Variants in BCAS3 observed in about 807,000 individuals in gnomAD.
BCAS3 encodes the protein BCAS3 microtubule associated cell migration factor.
Under a neutral mutation model 116.1 loss-of-function variants are expected in BCAS3, and 53 were observed. That is an observed-to-expected ratio of 0.46 (90% CI 0.37 to 0.57). The LOEUF (loss-of-function observed/expected upper bound fraction) is 0.57, where lower values mean the gene tolerates loss of function less well. Ranked by LOEUF, BCAS3 falls within the 20% of genes least tolerant of loss-of-function variation. The probability of loss-of-function intolerance (pLI) is 0.00; values close to 1 mark genes in which losing one functional copy is unlikely to be tolerated. For synonymous variants in BCAS3, 391 were observed against 408.2 expected, an observed-to-expected ratio of 0.96 and a Z score of 0.51; for missense variants, 917 against 1,165.4, an observed-to-expected ratio of 0.79 and a Z score of 3.10.
At chr17:60,715,671 A>G (rs1353646701) in intron 5 of BCAS3, among the ~76,000 whole-genome samples, 1 of 151,072 alleles carries the variant, frequency 6.6e-6, no homozygotes, top group Admixed American at 6.6e-5. Flanking sequence ...TATTTTTAGT[A>G]GAGATGGGGT....
intron 4 of BCAS3, among the ~76,000 whole-genome samples, chr17:60,703,918 A>AAAAAAAAAAAGAAAAAAAG (rs1156935849): frequency 6.7e-6 from 1 of 149,312 alleles, no homozygotes; most frequent in Non-Finnish European, 1.5e-5. Flanking sequence ...CACCGTCTCA[A>AAAAAAAAAAAGAAAAAAAG]AAAAAAAAAA....
intron 22 of BCAS3, among the ~76,000 whole-genome samples, chr17:61,272,636 CAAAAA>C (rs373837874): frequency 0.028 from 1,308 of 47,112 alleles, 2 homozygotes; most frequent in Non-Finnish European, 0.038. Context: ...AACCCTGTCT[CAAAAA>C]AAAAAAAAAA....
rs1300554228 is a variant in BCAS3 at position 61,377,474 on chromosome 17, C to T, written c.2593+8980C>T. 1.3e-5 allele frequency among the ~76,000 whole-genome samples: 2 copies of T among 152,200 alleles called. No homozygotes were observed. Among genetic ancestry groups the T allele is most frequent in the Admixed American group, 6.5e-5 (1 of 15,290 alleles). On this transcript the variant is annotated intron_variant, in intron 23 of 23. Coordinates refer to ENST00000407086, the MANE Select transcript of BCAS3 (RefSeq NM_017679.5). The surrounding 1 kb of genome is among the most constrained non-coding windows in gnomAD (Gnocchi z 4.6). The stretch of plus-strand genomic sequence containing the variant: ...CTTTCAGTTCCCAGCACCAAGCTCC[C>T]GCTATTGGGAAGAATGTGGTGTTTT...
At chr17:61,094,116 C>T (rs1025351758) in intron 22 of BCAS3, among the ~76,000 whole-genome samples, 1 of 152,294 alleles carries the variant, frequency 6.6e-6, no homozygotes, top group Non-Finnish European at 1.5e-5. Flanking sequence ...GCAATGGCAC[C>T]TAACTATTGC....
intron 22 of BCAS3, among the ~76,000 whole-genome samples, chr17:61,155,494 C>CAAAA (rs11327492): frequency 3.2e-5 from 4 of 125,412 alleles, no homozygotes; most frequent in African/African-American, 1.2e-4. Context: ...AGAGTGGTAG[C>CAAAA]AAAAAAAAAA....
At chr17:60,949,414 C>G (rs1468765421) in intron 14 of BCAS3, among the ~76,000 whole-genome samples, 1 of 151,970 alleles carries the variant, frequency 6.6e-6, no homozygotes, top group African/African-American at 2.4e-5. Context: ...CATGCCACCA[C>G]ACCTGGCAAT....
intron 22 of BCAS3, among the ~76,000 whole-genome samples, chr17:61,182,320 G>A (rs2079528484): frequency 6.6e-6 from 1 of 152,004 alleles, no homozygotes; most frequent in Non-Finnish European, 1.5e-5. Context: ...TGGACTATGA[G>A]TTTGTGATAA....
intron 22 of BCAS3, among the ~76,000 whole-genome samples, chr17:61,298,821 T>A (rs141672743): frequency 3.0e-5 from 4 of 133,606 alleles, no homozygotes; most frequent in East Asian, 2.1e-4. Context: ...TTTATTTATT[T>A]ATTATTATTA....
chr17:60,949,185 AT>A (rs2060696979), intron 14 of BCAS3, among the ~76,000 whole-genome samples: 1 of 152,136 alleles, frequency 6.6e-6, no homozygotes, highest in African/African-American at 2.4e-5. Context: ...TCACGGAAAT[AT>A]TCTAACATAA....
rs1355487413 is a variant in BCAS3 at position 61,286,025 on chromosome 17, A to G, written c.2426-82302A>G. On this transcript the variant is annotated intron_variant, in intron 22 of 23. Coordinates refer to ENST00000407086, the MANE Select transcript of BCAS3 (RefSeq NM_017679.5). This position sits in a 1 kb window ranked among gnomAD's most constrained non-coding sequence, Gnocchi z 4.8. ...AGGCTTTGACTGTCAATATCATGAC[A>G]CCTTTTTACTCATGGACCAGAAACA... Among the ~76,000 whole-genome samples the G allele has an allele frequency of 6.6e-6, 1 of 152,218 alleles. No homozygotes were observed. Among genetic ancestry groups the G allele is most frequent in the Non-Finnish European group, 1.5e-5 (1 of 68,048 alleles).
chr17:60,785,812 T>C (rs2046237104), intron 6 of BCAS3, among the ~76,000 whole-genome samples: 1 of 152,214 alleles, frequency 6.6e-6, no homozygotes, highest in Admixed American at 6.5e-5. Context: ...TCCACATCTG[T>C]GGATTCAACC....
intron 22 of BCAS3, among the ~76,000 whole-genome samples, chr17:61,334,388 C>T (rs1034127725): frequency 9.9e-5 from 15 of 151,964 alleles, no homozygotes; most frequent in Non-Finnish European, 1.8e-4. Flanking sequence ...AATAATGGGC[C>T]GGGCGCGGTG....
At chr17:61,269,064 T>C (rs1346427840) in intron 22 of BCAS3, among the ~76,000 whole-genome samples, 1 of 152,148 alleles carries the variant, frequency 6.6e-6, no homozygotes, top group Non-Finnish European at 1.5e-5. Context: ...TTGTGACTAA[T>C]GCTGCAGTGA....
At position 61,391,655 on chromosome 17, in the gene BCAS3, C is replaced by T. The variant is rs917609857; in HGVS notation, c.2594-322C>T. On this transcript the variant is annotated intron_variant, in intron 23 of 23. Transcript: ENST00000407086. This position sits in a 1 kb window ranked among gnomAD's most constrained non-coding sequence, Gnocchi z 7.7. ...CTGGCTGAGCATGAGTGTGTGCAGG[C>T]GTGGGTACGGGCTCATGAAGAGCTG... is the stretch of plus-strand genomic sequence containing the variant. 1.8e-5 allele frequency: 5 copies of T among 271,724 alleles called. No homozygotes were observed. The highest frequency in any genetic ancestry group is 8.9e-5 in the African/African-American group (4 of 44,900). 16.8% of individuals were successfully genotyped at this position (271,724 alleles called of 1,614,324 possible).
At chr17:61,022,226 T>A (rs1352845618) in intron 16 of BCAS3, among the ~76,000 whole-genome samples, 7 of 152,002 alleles carry the variant, frequency 4.6e-5, no homozygotes, top group Admixed American at 4.6e-4. Context: ...CTATATACCA[T>A]ATATATATTT....
chr17:60,783,190 AGTTT>A (rs900012346), intron 6 of BCAS3, among the ~76,000 whole-genome samples: 13 of 152,060 alleles, frequency 8.5e-5, no homozygotes, highest in African/African-American at 1.7e-4. Flanking sequence ...TTCAATCAAC[AGTTT>A]GTTTGTTTGT....
At chr17:60,721,757 T>A (rs533821335) in intron 5 of BCAS3, among the ~76,000 whole-genome samples, 15 of 151,512 alleles carry the variant, frequency 9.9e-5, no homozygotes, top group South Asian at 8.3e-4. Context: ...AGACTGAAAA[T>A]ATATATATAT....
chr17:61,316,469 C>T lies in BCAS3; in HGVS notation c.2426-51858C>T, dbSNP rs1224225815. On this transcript the variant is annotated intron_variant, in intron 22 of 23. Transcript: ENST00000407086. The surrounding 1 kb of genome is among the most constrained non-coding windows in gnomAD (Gnocchi z 5.8). ...TTGGTACTGGTCCCTGAGATGTCCC[C>T]GGACATGCCCCTCACCCAGCACCTC... Among the ~76,000 whole-genome samples, 4 of 152,084 alleles carry T rather than the reference C, an allele frequency of 2.6e-5. No homozygotes were observed. Among genetic ancestry groups the T allele is most frequent in the African/African-American group, 7.2e-5 (3 of 41,396 alleles).
At chr17:61,212,577 TGCA>T (rs2081528664) in intron 22 of BCAS3, among the ~76,000 whole-genome samples, 1 of 151,308 alleles carries the variant, frequency 6.6e-6, no homozygotes, top group South Asian at 2.1e-4. Context: ...ATTGTATATT[TGCA>T]ATATAGTAAA....
Sources: gnomAD v4.1 joint callset for allele counts (sites outside exome capture counted in the v4.1 genomes callset) on GRCh38, gnomAD v4.1.1 for gene constraint, Gnocchi (gnomAD v3.1) non-coding constraint, MANE v1.5 for transcripts, NCBI Gene and HGNC (gene_info 2026-07-23, HGNC 2026-07-21) for gene names.